BEND5: variants seen among roughly 807,000 people sequenced by gnomAD.
The protein encoded by BEND5 is BEN domain containing 5.
A neutral mutation model predicts 43.9 loss-of-function variants in BEND5; 22 were observed. The ratio of observed to expected loss-of-function variants is 0.50; its 90% CI spans 0.36 to 0.72. BEND5 has a LOEUF of 0.72. Among genes scored for constraint, BEND5 ranks in the 30% least tolerant of loss-of-function variants. The pLI is 0.00. For synonymous variants in BEND5, 228 were observed against 225.9 expected (o/e 1.01, Z -0.08); for missense variants, 428 against 550.6 (o/e 0.78, Z 2.23).
intron 4 of BEND5, among the ~76,000 whole-genome samples, chr1:48,740,847 G>A (rs530297501): frequency 6.6e-6 from 1 of 152,296 alleles, no homozygotes; most frequent in South Asian, 2.1e-4. Flanking sequence ...ATCATTTCCA[G>A]TGCGTCCACT....
intron 5 of BEND5, among the ~76,000 whole-genome samples, chr1:48,730,668 G>C (rs1647966822): frequency 6.6e-6 from 1 of 152,148 alleles, no homozygotes; most frequent in Admixed American, 6.5e-5. Flanking sequence ...TGAACGAAAA[G>C]CTTCTCAGGT....
chr1:48,756,119 G>A (rs1186782297), intron 3 of BEND5, among the ~76,000 whole-genome samples: 1 of 152,190 alleles, frequency 6.6e-6, no homozygotes, highest in African/African-American at 2.4e-5. Flanking sequence ...TCACAAGGCT[G>A]TAATATTATC....
chr1:48,763,715 G>A (rs554890128), intron 1 of BEND5, among the ~76,000 whole-genome samples: 62 of 152,272 alleles, frequency 4.1e-4, no homozygotes, highest in Middle Eastern at 6.8e-3. Flanking sequence ...AAAAGCAATC[G>A]TTCGGACTCA....
chr1:48,742,611 T>A lies in BEND5; in HGVS notation c.894+12A>T. On this transcript the variant is annotated intron_variant, in intron 4 of 5. Transcript: ENST00000371833. ...CACTTGCAGGGAATGGATATTGAGC[T>A]TAAAACACTACCTTGCCATTGTCTA... The A allele has an allele frequency of 1.3e-6, 2 of 1,540,622 alleles. No individual in the cohort carries two copies. Among genetic ancestry groups the A allele is most frequent in the Non-Finnish European group, 1.8e-6 (2 of 1,137,588 alleles).
intron 1 of BEND5, among the ~76,000 whole-genome samples, chr1:48,770,850 C>T (rs1644787672): frequency 6.6e-6 from 1 of 152,178 alleles, no homozygotes; most frequent in Non-Finnish European, 1.5e-5. Context: ...CTCAGGTCCA[C>T]CATGACCACC....
At chr1:48,731,494 C>T (rs908036578) in intron 5 of BEND5, among the ~76,000 whole-genome samples, 5 of 152,132 alleles carry the variant, frequency 3.3e-5, no homozygotes, top group African/African-American at 1.2e-4. Context: ...CTGAGGTAGG[C>T]ACTGGGTGCT....
intron 4 of BEND5, among the ~76,000 whole-genome samples, chr1:48,737,612 C>T (rs1005831925): frequency 2.6e-5 from 4 of 152,144 alleles, no homozygotes. Flanking sequence ...GCACAAAGAA[C>T]AAAACACAAT....
intron 4 of BEND5, among the ~76,000 whole-genome samples, chr1:48,740,274 G>C (rs944835335): frequency 3.9e-5 from 6 of 152,174 alleles, no homozygotes; most frequent in African/African-American, 1.4e-4. Flanking sequence ...CAGTTTTCAG[G>C]GATGTAGCAG....
intron 1 of BEND5, among the ~76,000 whole-genome samples, chr1:48,771,702 A>G (rs1644842406): frequency 6.6e-6 from 1 of 152,214 alleles, no homozygotes; most frequent in Non-Finnish European, 1.5e-5. Flanking sequence ...CAATCTTTGC[A>G]TATGAAATCG....
intron 5 of BEND5, among the ~76,000 whole-genome samples, chr1:48,735,930 G>C (rs572126710): frequency 6.6e-6 from 1 of 152,196 alleles, no homozygotes; most frequent in South Asian, 2.1e-4. Flanking sequence ...CCCGTCCCCA[G>C]GAATTCTTCC....
At chr1:48,738,063 A>C (rs931730271) in intron 4 of BEND5, among the ~76,000 whole-genome samples, 3 of 152,218 alleles carry the variant, frequency 2.0e-5, no homozygotes, top group Non-Finnish European at 4.4e-5. Context: ...TCAATTGTTC[A>C]AAAAACAATT....
intron 4 of BEND5, among the ~76,000 whole-genome samples, chr1:48,738,967 ACAAT>A (rs1269560817): frequency 6.6e-6 from 1 of 152,244 alleles, no homozygotes; most frequent in African/African-American, 2.4e-5. Context: ...CCTAAGGTAC[ACAAT>A]CAGTCAATTT....
rs1557923206 is a variant in BEND5, at chr1:48,736,399, T to C, written c.948A>G (p.Gln316=). ...WVDEEKWHQL[Q]VTQGDSKYTK... ...TGTACTTGGAATCTCCTTGGGTTAC[T>C]TGTAGCTGGTGCCATTTCTCCTCAT... Residue 316 remains glutamine, a synonymous_variant, in exon 5 of 6, where the codon CAA becomes CAG. Transcript: ENST00000371833. The surrounding 1 kb of genome is among the most constrained non-coding windows in gnomAD (Gnocchi z 4.0). 9 of 1,614,196 alleles carry C rather than the reference T, an allele frequency of 5.6e-6. No homozygotes were observed. The highest frequency in any genetic ancestry group is 7.6e-6 in the Non-Finnish European group (9 of 1,180,042).
chr1:48,727,747 C>A lies in BEND5; in HGVS notation c.*139G>T. On this transcript the variant is annotated 3_prime_UTR_variant, in exon 6 of 6. Coordinates refer to ENST00000371833, the MANE Select transcript of BEND5 (RefSeq NM_024603.4). ...GTCTTTGGAGTGTCCACATTCAGAA[C>A]AAGCCGCTGACCCCAGAACCCGATG... 1 of 728,086 alleles carries A rather than the reference C, an allele frequency of 1.4e-6. No homozygotes were observed. The highest frequency in any genetic ancestry group is 2.2e-6 in the Non-Finnish European group (1 of 463,984). 45.1% of individuals were successfully genotyped at this position (728,086 alleles called of 1,614,324 possible). A position where few individuals can be genotyped will look rare whatever the true frequency, so the allele number is the denominator to read the frequency against.
chr1:48,762,648 G>GTATGTA (rs1644330405), intron 1 of BEND5, among the ~76,000 whole-genome samples: 1 of 143,516 alleles, frequency 7.0e-6, no homozygotes. Flanking sequence ...GTGTGTGTGT[G>GTATGTA]TGTGTGTGTG....
At chr1:48,728,299 C>T (rs544116657) in intron 5 of BEND5, among the ~76,000 whole-genome samples, 1 of 152,126 alleles carries the variant, frequency 6.6e-6, no homozygotes, top group East Asian at 1.9e-4. Flanking sequence ...ACTATTGGTT[C>T]CTCCCAAGCA....
intron 3 of BEND5, among the ~76,000 whole-genome samples, chr1:48,744,244 T>C (rs749382687): frequency 1.3e-5 from 2 of 152,166 alleles, no homozygotes; most frequent in Non-Finnish European, 2.9e-5. Flanking sequence ...TGGGGCTGAG[T>C]AGGCACTCTC....
chr1:48,731,457 G>C (rs1356954399), intron 5 of BEND5, among the ~76,000 whole-genome samples: 1 of 152,144 alleles, frequency 6.6e-6, no homozygotes, highest in Non-Finnish European at 1.5e-5. Flanking sequence ...AAGTCTCCTA[G>C]GAGGCAAAGA....
intron 1 of BEND5, among the ~76,000 whole-genome samples, chr1:48,771,331 T>C (rs1321400330): frequency 6.6e-6 from 1 of 152,224 alleles, no homozygotes; most frequent in African/African-American, 2.4e-5. Flanking sequence ...AATTCTGCTT[T>C]CTGGATGTGC....
Sources: allele counts gnomAD v4.1 joint callset (sites outside exome capture counted in the v4.1 genomes callset), GRCh38; gene constraint gnomAD v4.1.1; non-coding constraint Gnocchi (gnomAD v3.1); transcripts MANE v1.5; gene names NCBI Gene and HGNC (gene_info 2026-07-23, HGNC 2026-07-21).